R3HDM1: variants seen among roughly 807,000 people sequenced by gnomAD.
The protein encoded by R3HDM1 is R3H domain-containing protein 1.
R3HDM1 carries 46 observed loss-of-function variants against 141.1 expected under a neutral mutation model. The observed-to-expected ratio is 0.33, with a 90% CI of 0.26 to 0.42. The LOEUF (loss-of-function observed/expected upper bound fraction) is 0.42. R3HDM1 is among the 10% of genes least tolerant of loss of function. The probability of loss-of-function intolerance (pLI) is 1.00; values close to 1 mark genes in which losing one functional copy is unlikely to be tolerated. For synonymous variants in R3HDM1, 435 were observed against 472.9 expected, an observed-to-expected ratio of 0.92 and a Z score of 1.04; for missense variants, 1,184 against 1,368.3, an observed-to-expected ratio of 0.87 and a Z score of 2.12.
intron 7 of R3HDM1, 68 bp from the exon 8 acceptor site, chr2:135,631,650 G>T: frequency 7.6e-7 from 1 of 1,312,786 alleles, no homozygotes; most frequent in Non-Finnish European, 1.0e-6. Flanking sequence ...ATAAATCATA[G>T]GCTGTTGACA....
intron 1 of R3HDM1, chr2:135,561,336 CT>C: frequency 1.0e-6 from 1 of 983,016 alleles, no homozygotes; most frequent in Admixed American, 6.1e-5. Flanking sequence ...TTTGTGGCAG[CT>C]TTTCATTATC....
chr2:135,595,773 A>G (rs951851922), intron 1 of R3HDM1, among the ~76,000 whole-genome samples: 3 of 152,180 alleles, frequency 2.0e-5, no homozygotes, highest in Non-Finnish European at 4.4e-5. Context: ...TGTACATAGT[A>G]TCCAGTCTGG....
In R3HDM1 at chr2:135,642,327, G is replaced by A. The variant is rs76438110; in HGVS notation, c.1474+537G>A. On this transcript the variant is annotated intron_variant, in intron 15 of 26. Transcript: ENST00000683871. ...TTGGGGGGAGTCATGTATTAATATT[G>A]ACAATACATATTCTTTGCAATTAGC... 0.011 allele frequency among the ~76,000 whole-genome samples: 1,617 copies of A among 152,078 alleles called. 100 individuals are homozygous for A. In the East Asian group the frequency reaches 0.19, roughly 18 times the overall value.
chr2:135,694,979 G>A (rs1185419631), intron 21 of R3HDM1, among the ~76,000 whole-genome samples: 1 of 152,138 alleles, frequency 6.6e-6, no homozygotes, highest in African/African-American at 2.4e-5. Context: ...GGACTTAAAA[G>A]GACACTATCT....
chr2:135,622,222 A>G (rs13390795), intron 6 of R3HDM1: 7 of 984,336 alleles, frequency 7.1e-6, no homozygotes, highest in Middle Eastern at 5.2e-4. Context: ...TAAAATTTCT[A>G]TCTACCTCCA....
At chr2:135,552,843 TG>T (rs558589765) in intron 1 of R3HDM1, among the ~76,000 whole-genome samples, 17 of 152,242 alleles carry the variant, frequency 1.1e-4, no homozygotes, top group African/African-American at 3.9e-4. Flanking sequence ...TTTTGTGAAG[TG>T]GAACAGTTTG....
At chr2:135,703,715 T>C (rs912377433) in intron 21 of R3HDM1, among the ~76,000 whole-genome samples, 1 of 152,084 alleles carries the variant, frequency 6.6e-6, no homozygotes, top group Admixed American at 6.6e-5. Context: ...CCCAGATAAA[T>C]CAGCTATTAG....
At position 135,536,539 on chromosome 2, in the gene R3HDM1, A is replaced by C. The variant is rs892781953; in HGVS notation, c.-250+4906A>C. On this transcript the variant is annotated intron_variant, in intron 1 of 26. Coordinates refer to ENST00000683871, the MANE Select transcript of R3HDM1 (RefSeq NM_001378107.1). Reference sequence around the variant, plus strand: ...AACTCCCTATAACAACTTCATCTGCAAAAGAAATTAGGTAGAGAAAATAAA... The same window carrying C: ...AACTCCCTATAACAACTTCATCTGCCAAAGAAATTAGGTAGAGAAAATAAA... The C allele has an allele frequency of 1.6e-5, 15 of 929,946 alleles. No individual in the cohort carries two copies. In the African/African-American group the frequency reaches 2.7e-4, roughly 17 times the overall value. 57.6% of individuals were successfully genotyped at this position (929,946 alleles called of 1,614,324 possible).
chr2:135,709,604 G>T, intron 22 of R3HDM1, 68 bp downstream of exon 22: 1 of 1,561,544 alleles, frequency 6.4e-7, no homozygotes. Flanking sequence ...CTTTCCTTAG[G>T]CATTTCTACA....
rs2069001148 is a variant in R3HDM1, at chr2:135,675,376, G to A, written c.2197G>A (p.Val733Ile). The change falls in exon 20 of 27, where the codon GTT (valine) becomes ATT (isoleucine). Residue 733 changes from valine (V) to isoleucine (I), a missense_variant. Physicochemically the swap from Val to Ile is conservative, Grantham distance 29. Coordinates refer to ENST00000683871, the MANE Select transcript of R3HDM1 (RefSeq NM_001378107.1). ...PNQQQNYQGI[V>I]GVQQPQSQSL... ...CCAGCAGCAAAACTACCAAGGAATA[G>A]TTGGAGTTCAGCAACCCCAGAGTCA... 2 of 1,613,940 alleles carry A rather than the reference G, an allele frequency of 1.2e-6. No homozygotes were observed. Among genetic ancestry groups the A allele is most frequent in the Non-Finnish European group, 1.7e-6 (2 of 1,179,882 alleles).
intron 18 of R3HDM1, among the ~76,000 whole-genome samples, chr2:135,659,439 T>A (rs1309496814): frequency 6.6e-6 from 1 of 151,602 alleles, no homozygotes; most frequent in Non-Finnish European, 1.5e-5. Flanking sequence ...CAGGACTACA[T>A]TCTTTTTTTT....
In R3HDM1 at chr2:135,586,944, CTT is replaced by C. The variant is rs946263371; in HGVS notation, c.-249-15553_-249-15552del. On this transcript the variant is annotated intron_variant, in intron 1 of 26. Coordinates refer to ENST00000683871, the MANE Select transcript of R3HDM1 (RefSeq NM_001378107.1). ...TGGAACAAATACAATGTGAATGAGA[CTT>C]TTGGAAATTAAGAAGCTAAGAATCT... The C allele has an allele frequency of 4.9e-5, 48 of 985,010 alleles. No individual in the cohort carries two copies. In the African/African-American group the frequency reaches 6.8e-4, roughly 14 times the overall value. The allele number at this position is 985,010 out of a possible 1,614,324, so 61.0% of individuals were successfully genotyped here. A position where few individuals can be genotyped will look rare whatever the true frequency, so the allele number is the denominator to read the frequency against.
rs530937977 is a variant in R3HDM1 at position 135,547,406 on chromosome 2, T to C, written c.-250+15773T>C. On this transcript the variant is annotated intron_variant, in intron 1 of 26. Transcript: ENST00000683871. Reference sequence around the variant, plus strand: ...AATTTTTTTAATGCTTCCATCAGTTTATCAGAATTATGTCACATTGTTACT... The same window carrying C: ...AATTTTTTTAATGCTTCCATCAGTTCATCAGAATTATGTCACATTGTTACT... Among the ~76,000 whole-genome samples, 7 of 152,258 alleles carry C rather than the reference T, an allele frequency of 4.6e-5. 1 individual carries two copies. In the East Asian group the frequency reaches 1.4e-3, roughly 29 times the overall value.
intron 1 of R3HDM1, among the ~76,000 whole-genome samples, chr2:135,543,608 T>A: frequency 6.6e-6 from 1 of 152,154 alleles, no homozygotes; most frequent in East Asian, 1.9e-4. Context: ...TTAAAAAATA[T>A]TTAATGATTA....
chr2:135,698,164 C>CTT (rs1209614603), intron 21 of R3HDM1, among the ~76,000 whole-genome samples: 2 of 142,706 alleles, frequency 1.4e-5, no homozygotes, highest in African/African-American at 2.6e-5. Flanking sequence ...TTTCTTCTCC[C>CTT]TTTTTTTTTT....
intron 15 of R3HDM1, among the ~76,000 whole-genome samples, chr2:135,645,046 T>TA (rs2064239945): frequency 6.6e-6 from 1 of 152,140 alleles, no homozygotes; most frequent in South Asian, 2.1e-4. Flanking sequence ...TGTGCCACTG[T>TA]ACTCCAGCCT....
intron 18 of R3HDM1, among the ~76,000 whole-genome samples, chr2:135,655,754 A>G (rs371978914): frequency 8.6e-5 from 13 of 151,966 alleles, no homozygotes; most frequent in Non-Finnish European, 1.8e-4. Context: ...TCGGCCTCCC[A>G]AAGTGCTGGG....
chr2:135,591,339 G>A (rs1709230228), intron 1 of R3HDM1, among the ~76,000 whole-genome samples: 2 of 152,160 alleles, frequency 1.3e-5, no homozygotes, highest in Admixed American at 6.6e-5. Flanking sequence ...TTATATATTA[G>A]TAGGGTAGAG....
chr2:135,549,676 A>G (rs910192635), intron 1 of R3HDM1, among the ~76,000 whole-genome samples: 2 of 152,000 alleles, frequency 1.3e-5, no homozygotes, highest in African/African-American at 4.8e-5. Context: ...TTTATATGAT[A>G]TATTCACAGT....
Sources: allele counts gnomAD v4.1 joint callset (sites outside exome capture counted in the v4.1 genomes callset), GRCh38; gene constraint gnomAD v4.1.1; transcripts MANE v1.5; gene names NCBI Gene and HGNC (gene_info 2026-07-23, HGNC 2026-07-21).